The following ABLIM2 variants were observed in gnomAD, a reference collection of about 807,000 sequenced individuals.
ABLIM2 encodes the protein actin-binding LIM protein 2.
Under a neutral mutation model 97.7 loss-of-function variants are expected in ABLIM2, and 53 were observed. The ratio of observed to expected loss-of-function variants is 0.54; its 90% CI spans 0.44 to 0.68. The LOEUF is 0.68. Ranked by LOEUF, ABLIM2 falls within the 30% of genes least tolerant of loss-of-function variation. ABLIM2 has a pLI of 0.00. For synonymous variants in ABLIM2, 361 were observed against 345.8 expected (o/e 1.04, Z -0.49); for missense variants, 835 against 867.2 (o/e 0.96, Z 0.47).
rs1379183371 is a variant in ABLIM2 at position 8,123,383 on chromosome 4, G to T, written c.11-16746C>A. On this transcript the variant is annotated intron_variant, in intron 1 of 20. Coordinates refer to ENST00000447017, the MANE Select transcript of ABLIM2 (RefSeq NM_001130083.2). This position sits in a 1 kb window ranked among gnomAD's most constrained non-coding sequence, Gnocchi z 6.2. The stretch of plus-strand genomic sequence containing the variant: ...GATCACACAGCCTTCAACTGGCAGG[G>T]TGGGGCCTGGAGCCTGGGCCTCTAT... Among the ~76,000 whole-genome samples the T allele has an allele frequency of 6.6e-6, 1 of 152,236 alleles. No homozygotes were observed. Among genetic ancestry groups the T allele is most frequent in the African/African-American group, 2.4e-5 (1 of 41,460 alleles).
chr4:8,132,911 G>A lies in ABLIM2; in HGVS notation c.10+25769C>T, dbSNP rs973374137. ...ATCTTTGTTCCCCAGTTCCTGACTC[G>A]ATGGGTGTCCCGTGGCTGCTGTGAC... On this transcript the variant is annotated intron_variant, in intron 1 of 20. Coordinates refer to ENST00000447017, the MANE Select transcript of ABLIM2 (RefSeq NM_001130083.2). This position sits in a 1 kb window ranked among gnomAD's most constrained non-coding sequence, Gnocchi z 8.0. Among the ~76,000 whole-genome samples, 3 of 152,172 alleles carry A rather than the reference G, an allele frequency of 2.0e-5. No homozygotes were observed. Among genetic ancestry groups the A allele is most frequent in the Non-Finnish European group, 4.4e-5 (3 of 68,024 alleles).
chr4:8,111,783 G>A (rs531044433), intron 1 of ABLIM2, among the ~76,000 whole-genome samples: 15 of 152,070 alleles, frequency 9.9e-5, no homozygotes, highest in South Asian at 8.3e-4. Flanking sequence ...AAAATTAGCC[G>A]GGTGTGGTGG....
Position 8,120,726 on chromosome 4 carries a change from CG to C in ABLIM2, c.11-14090del, listed in dbSNP as rs963828322. Among the ~76,000 whole-genome samples the C allele has an allele frequency of 2.0e-5, 3 of 152,174 alleles. No individual in the cohort carries two copies. The highest frequency in any genetic ancestry group is 7.2e-5 in the African/African-American group (3 of 41,448). Reference sequence around the variant, plus strand: ...CAGTGCAGGTCCGTCCTGATGAACCCGGGGCAAGCTCGTGACATCACTAAGT... The same window carrying C: ...CAGTGCAGGTCCGTCCTGATGAACCCGGGCAAGCTCGTGACATCACTAAGT... On this transcript the variant is annotated intron_variant, in intron 1 of 20. Transcript: ENST00000447017. This position sits in a 1 kb window ranked among gnomAD's most constrained non-coding sequence, Gnocchi z 5.6.
At position 7,983,310 on chromosome 4, in the gene ABLIM2, C is replaced by T. The variant is rs766106415; in HGVS notation, c.1778G>A (p.Arg593Gln). The T allele has an allele frequency of 1.5e-5, 24 of 1,612,340 alleles. No homozygotes were observed. The African/African-American group carries it at 1.9e-4, about 13-fold the overall frequency. ...GTCTTTGGGCAGTTTCACGCGAATT[C>T]GGTTTGTGACGATGAGGGAGTCATA... is the stretch of plus-strand genomic sequence containing the variant. ...YPYDSLIVTN[R>Q]IRVKLPKDVD... Residue 593 changes from arginine (R) to glutamine (Q), a missense_variant, in exon 20 of 21, where the codon CGA (arginine) becomes CAA (glutamine). Coordinates refer to ENST00000447017, the MANE Select transcript of ABLIM2 (RefSeq NM_001130083.2).
intron 1 of ABLIM2, among the ~76,000 whole-genome samples, chr4:8,144,402 C>A (rs1488305868): frequency 6.6e-6 from 1 of 152,238 alleles, no homozygotes; most frequent in Non-Finnish European, 1.5e-5. Flanking sequence ...AGGGCCGCCG[C>A]TGGGGGACTT....
chr4:8,014,058 C>G (rs532516484), intron 14 of ABLIM2, among the ~76,000 whole-genome samples: 1 of 152,256 alleles, frequency 6.6e-6, no homozygotes, highest in African/African-American at 2.4e-5. Flanking sequence ...CCAGCCAAGG[C>G]TCTGCAGCCA....
chr4:8,064,438 C>T (rs899861120), intron 6 of ABLIM2, among the ~76,000 whole-genome samples: 1 of 152,166 alleles, frequency 6.6e-6, no homozygotes, highest in Non-Finnish European at 1.5e-5. Context: ...TCTGAGCCAG[C>T]CAGCATGCTC....
intron 4 of ABLIM2, 37 bp downstream of exon 4, chr4:8,088,132 C>T (rs1241278279): frequency 9.6e-7 from 1 of 1,036,820 alleles, no homozygotes; most frequent in Non-Finnish European, 1.3e-6. Flanking sequence ...ACTCAGCATG[C>T]CCCCACTCAA....
chr4:8,044,957 G>A lies in ABLIM2; in HGVS notation c.900+207C>T, dbSNP rs183463399. Among the ~76,000 whole-genome samples the A allele has an allele frequency of 2.6e-3, 393 of 152,274 alleles. 4 individuals are homozygous for A. Among genetic ancestry groups the A allele is most frequent in the Non-Finnish European group, 2.9e-3 (198 of 68,026 alleles). ...GGGACAGGTTCCCAGGGGAATTGCC[G>A]GGTCAAACAAACATGTCTGTGTTTC... On this transcript the variant is annotated intron_variant, in intron 9 of 20. Transcript: ENST00000447017. This position sits in a 1 kb window ranked among gnomAD's most constrained non-coding sequence, Gnocchi z 4.4.
intron 6 of ABLIM2, among the ~76,000 whole-genome samples, chr4:8,066,165 G>A (rs192599192): frequency 4.6e-4 from 69 of 151,324 alleles, no homozygotes; most frequent in South Asian, 1.5e-3. Flanking sequence ...AATTAGCTGG[G>A]CATGGTGGCA....
intron 1 of ABLIM2, among the ~76,000 whole-genome samples, chr4:8,153,264 G>A (rs930238112): frequency 3.9e-5 from 6 of 152,136 alleles, no homozygotes; most frequent in African/African-American, 1.2e-4. Context: ...ACCTTTTTCT[G>A]GGACAGTAAG....
At chr4:8,099,799 C>T (rs928022678) in intron 2 of ABLIM2, among the ~76,000 whole-genome samples, 1 of 152,086 alleles carries the variant, frequency 6.6e-6, no homozygotes, top group Non-Finnish European at 1.5e-5. Context: ...GATCCGAGAT[C>T]GCGCCACTGC....
chr4:8,100,392 A>G (rs1315327204), intron 2 of ABLIM2, among the ~76,000 whole-genome samples: 1 of 152,148 alleles, frequency 6.6e-6, no homozygotes, highest in African/African-American at 2.4e-5. Context: ...TCTGAACCTC[A>G]GAGTCCTCAT....
intron 8 of ABLIM2, among the ~76,000 whole-genome samples, chr4:8,052,233 G>A (rs1399553487): frequency 6.6e-6 from 1 of 152,186 alleles, no homozygotes; most frequent in African/African-American, 2.4e-5. Context: ...TGGCCTTGGC[G>A]TGAGAGGCTC....
At position 8,158,710 on chromosome 4, in the gene ABLIM2, G is replaced by C. The variant is rs1326350033; in HGVS notation, c.-21C>G. 6.9e-7 allele frequency: 1 copy of C among 1,447,986 alleles called. No homozygotes were observed. The highest frequency in any genetic ancestry group is 1.5e-5 in the African/African-American group (1 of 68,012). 89.7% of individuals were successfully genotyped at this position (1,447,986 alleles called of 1,614,324 possible). A position where few individuals can be genotyped will look rare whatever the true frequency, so the allele number is the denominator to read the frequency against. On this transcript the variant is annotated 5_prime_UTR_variant, in exon 1 of 21. Coordinates refer to ENST00000447017, the MANE Select transcript of ABLIM2 (RefSeq NM_001130083.2). ...CTCATCTCAGCAGCCGCTCGGAGTC[G>C]GGGCGGCCCGGCGCTGCGACAGCCA...
chr4:8,128,084 A>C lies in ABLIM2; in HGVS notation c.11-21447T>G, dbSNP rs1456838024. ...CCCTGCTCTTCACAGGGGTATAGGG[A>C]GCTCAGGCTGCCTCTTCCCGCTGCT... On this transcript the variant is annotated intron_variant, in intron 1 of 20. Coordinates refer to ENST00000447017, the MANE Select transcript of ABLIM2 (RefSeq NM_001130083.2). The surrounding 1 kb of genome is among the most constrained non-coding windows in gnomAD (Gnocchi z 4.9). Among the ~76,000 whole-genome samples, 1 of 152,118 alleles carries C rather than the reference A, an allele frequency of 6.6e-6. No individual in the cohort carries two copies. The highest frequency in any genetic ancestry group is 2.4e-5 in the African/African-American group (1 of 41,422).
In ABLIM2 at chr4:8,071,917, C is replaced by T. The variant is rs1411915528; in HGVS notation, c.675+5711G>A. 1 of 985,352 alleles carries T rather than the reference C, an allele frequency of 1.0e-6. No homozygotes were observed. Among genetic ancestry groups the T allele is most frequent in the African/African-American group, 1.7e-5 (1 of 57,232 alleles). 61.0% of individuals were successfully genotyped at this position (985,352 alleles called of 1,614,324 possible). A position where few individuals can be genotyped will look rare whatever the true frequency, so the allele number is the denominator to read the frequency against. ...GCTGCGCCCTGGGAGTCCACTGTCACCCAGCGGGGCACCGGCACACTGGGC... is the reference window on the plus strand; with the variant it reads ...GCTGCGCCCTGGGAGTCCACTGTCATCCAGCGGGGCACCGGCACACTGGGC... On this transcript the variant is annotated intron_variant, in intron 6 of 20. Coordinates refer to ENST00000447017, the MANE Select transcript of ABLIM2 (RefSeq NM_001130083.2). This position sits in a 1 kb window ranked among gnomAD's most constrained non-coding sequence, Gnocchi z 6.2.
intron 1 of ABLIM2, among the ~76,000 whole-genome samples, chr4:8,136,981 G>T (rs907274399): frequency 1.3e-5 from 2 of 152,238 alleles, no homozygotes; most frequent in African/African-American, 4.8e-5. Flanking sequence ...GGTCATGAGG[G>T]TGGGGCCCAA....
chr4:8,012,279 T>C lies in ABLIM2; in HGVS notation c.1424-3177A>G, dbSNP rs543811642. Among the ~76,000 whole-genome samples the C allele has an allele frequency of 2.7e-5, 4 of 150,418 alleles. No individual in the cohort carries two copies. The East Asian group carries it at 7.9e-4, about 30-fold the overall frequency. On this transcript the variant is annotated intron_variant, in intron 14 of 20. Coordinates refer to ENST00000447017, the MANE Select transcript of ABLIM2 (RefSeq NM_001130083.2). ...CACTGATCCATCCACCCACCACCCA[T>C]CCATCTAACCATCCATCCACCCATC...
Sources: gnomAD v4.1 joint callset for allele counts (sites outside exome capture counted in the v4.1 genomes callset) on GRCh38, gnomAD v4.1.1 for gene constraint, Gnocchi (gnomAD v3.1) non-coding constraint, MANE v1.5 for transcripts, NCBI Gene and HGNC (gene_info 2026-07-23, HGNC 2026-07-21) for gene names.